Variants in AMBRA1 observed in about 807,000 individuals in gnomAD.
AMBRA1 encodes activating molecule in BECN1-regulated autophagy protein 1.
In AMBRA1, 47 loss-of-function variants were observed where a neutral mutation model predicts 125.4. The observed-to-expected ratio is 0.37, with a 90% CI of 0.30 to 0.48. The LOEUF (loss-of-function observed/expected upper bound fraction) is 0.48. Among genes scored for constraint, AMBRA1 ranks in the 20% least tolerant of loss-of-function variants. The pLI is 0.99. For synonymous variants in AMBRA1, 626 were observed against 655.5 expected, an observed-to-expected ratio of 0.95 and a Z score of 0.69; for missense variants, 1,331 against 1,693.4, an observed-to-expected ratio of 0.79 and a Z score of 3.76.
chr11:46,517,479 T>C (rs1288885391), intron 7 of AMBRA1, among the ~76,000 whole-genome samples: 1 of 144,336 alleles, frequency 6.9e-6, no homozygotes, highest in African/African-American at 2.6e-5. Context: ...GGTTTTTTTT[T>C]TTTTTTTTTT....
intron 17 of AMBRA1, among the ~76,000 whole-genome samples, 183 bp downstream of exon 17, chr11:46,408,330 A>T: frequency 6.6e-6 from 1 of 152,130 alleles, no homozygotes; most frequent in East Asian, 1.9e-4. Flanking sequence ...ACTTGGTGGG[A>T]GTTGAGGCGA....
intron 12 of AMBRA1, 99 bp downstream of exon 12, chr11:46,443,389 A>G (rs1271382342): frequency 1.1e-6 from 1 of 899,288 alleles, no homozygotes; most frequent in Admixed American, 2.0e-5. Flanking sequence ...CAACTGCTCA[A>G]TAGGATGATG....
chr11:46,411,825 T>C (rs935925649), intron 15 of AMBRA1, among the ~76,000 whole-genome samples: 8 of 151,936 alleles, frequency 5.3e-5, no homozygotes, highest in South Asian at 2.1e-4. Flanking sequence ...GGGGTCTCAC[T>C]ATGTTGCCCA....
At chr11:46,505,159 T>C (rs1950986080) in intron 9 of AMBRA1, among the ~76,000 whole-genome samples, 1 of 152,258 alleles carries the variant, frequency 6.6e-6, no homozygotes, top group African/African-American at 2.4e-5. Context: ...CATGTCTCTC[T>C]GTACCTGAAA....
At chr11:46,554,610 G>A (rs12280028) in intron 1 of AMBRA1, among the ~76,000 whole-genome samples, 10,215 of 152,144 alleles carry the variant, frequency 0.067, 1,124 homozygotes, top group African/African-American at 0.23. Context: ...GCTTTAAAAG[G>A]ATAAGGGACT....
chr11:46,435,643 A>T (rs1419571464), intron 12 of AMBRA1, among the ~76,000 whole-genome samples: 1 of 152,382 alleles, frequency 6.6e-6, no homozygotes, highest in South Asian at 2.1e-4. Flanking sequence ...AACAAAGCCC[A>T]GCTGCGGCTG....
intron 11 of AMBRA1, among the ~76,000 whole-genome samples, chr11:46,474,214 T>C (rs552198300): frequency 2.6e-4 from 40 of 152,134 alleles, no homozygotes; most frequent in African/African-American, 5.3e-4. Flanking sequence ...ATCAGTCAGT[T>C]TGATATTTTT....
Position 46,408,686 on chromosome 11 carries a change from C to G in AMBRA1, c.3230G>C (p.Arg1077Thr), listed in dbSNP as rs1946142211. 1 of 1,558,912 alleles carries G rather than the reference C, an allele frequency of 6.4e-7. No individual in the cohort carries two copies. The highest frequency in any genetic ancestry group is 8.7e-7 in the Non-Finnish European group (1 of 1,148,738). The change falls in exon 17 of 18, where the codon AGG becomes ACG. Residue 1077 changes from arginine (R) to threonine (T), a missense_variant. Arg to Thr is a moderately conservative substitution (Grantham distance 71, BLOSUM62 -1). Around this residue, in one of 4 missense-constraint regions of AMBRA1, gnomAD observed 354 missense variants for 532.7 expected, o/e 0.66. Coordinates refer to ENST00000683756, the MANE Select transcript of AMBRA1 (RefSeq NM_001387011.1). The stretch of plus-strand genomic sequence containing the variant: ...CATCAGCCCCATGTCTCTGTCTGTC[C>G]TCCATGTGGCTCTGCTGGTTCTAGG... ...ERPGTSRATW[R>T]TDRDMGLMNA... is the part of the protein sequence containing the mutation.
At chr11:46,427,338 CCAT>C (rs1180060546) in intron 14 of AMBRA1, among the ~76,000 whole-genome samples, 3 of 152,122 alleles carry the variant, frequency 2.0e-5, no homozygotes, top group Non-Finnish European at 4.4e-5. Flanking sequence ...GCAGCAGCAG[CCAT>C]CATTAGTCTC....
intron 11 of AMBRA1, among the ~76,000 whole-genome samples, chr11:46,460,108 TACAGAATTTC>T (rs1228886715): frequency 1.3e-5 from 2 of 152,200 alleles, no homozygotes; most frequent in Non-Finnish European, 2.9e-5. Flanking sequence ...ACCACATGTG[TACAGAATTTC>T]AGGGCACATT....
chr11:46,402,222 A>G (rs1056398101), intron 17 of AMBRA1, among the ~76,000 whole-genome samples: 3 of 152,198 alleles, frequency 2.0e-5, no homozygotes, highest in Non-Finnish European at 4.4e-5. Context: ...CAAGTCTAAC[A>G]CGTGGGTTTA....
intron 9 of AMBRA1, among the ~76,000 whole-genome samples, chr11:46,499,166 T>A (rs867273765): frequency 6.6e-6 from 1 of 152,198 alleles, no homozygotes; most frequent in Non-Finnish European, 1.5e-5. Flanking sequence ...TACAAATTCC[T>A]CTCCTCCCTT....
Position 46,445,648 on chromosome 11 carries a change from T to G in AMBRA1, c.2522-2050A>C, listed in dbSNP as rs190249017. On this transcript the variant is annotated intron_variant, in intron 11 of 17. Transcript: ENST00000683756. ...CTTCCCTGGAAGGAATTATTCCATTTCATTCTGATCCAGGCTCAGTTCCAC... is the reference window on the plus strand; with the variant it reads ...CTTCCCTGGAAGGAATTATTCCATTGCATTCTGATCCAGGCTCAGTTCCAC... 7.9e-5 allele frequency among the ~76,000 whole-genome samples: 12 copies of G among 152,348 alleles called. No homozygotes were observed. The East Asian group carries it at 1.3e-3, about 17-fold the overall frequency.
intron 11 of AMBRA1, among the ~76,000 whole-genome samples, chr11:46,455,004 C>G (rs956267004): frequency 2.0e-5 from 3 of 151,210 alleles, no homozygotes; most frequent in Admixed American, 2.0e-4. Flanking sequence ...CTGAGCCTCC[C>G]AAGTAGCTGG....
intron 7 of AMBRA1, among the ~76,000 whole-genome samples, chr11:46,534,847 A>G (rs1342133508): frequency 6.6e-6 from 1 of 151,828 alleles, no homozygotes; most frequent in African/African-American, 2.4e-5. Flanking sequence ...CTAATTTTTG[A>G]GCTTTTTGTA....
intron 11 of AMBRA1, among the ~76,000 whole-genome samples, chr11:46,476,313 G>A (rs1271432373): frequency 6.6e-6 from 1 of 152,160 alleles, no homozygotes; most frequent in Admixed American, 6.5e-5. Context: ...CGAGTAGGGT[G>A]TGCACAAGTT....
In AMBRA1 at chr11:46,443,511, A is replaced by C. The variant is rs1948119737; in HGVS notation, c.2609T>G (p.Phe870Cys). The C allele has an allele frequency of 6.2e-7, 1 of 1,614,046 alleles. No individual in the cohort carries two copies. The highest frequency in any genetic ancestry group is 8.5e-7 in the Non-Finnish European group (1 of 1,179,982). ...YRLQWWDFTKFDLPEISNASV... is the reference protein window; with the variant it reads ...YRLQWWDFTKCDLPEISNASV... ...ACCATTACTGATTTCAGGGAGGTCA[A>C]ACTTAGTGAAGTCCCACCACTGGAG... Residue 870 changes from phenylalanine (F) to cysteine (C), a missense_variant, in exon 12 of 18, where the codon TTT becomes TGT. Physicochemically the swap from Phe to Cys is radical, Grantham distance 205 (BLOSUM62 -2). Transcript: ENST00000683756.
chr11:46,408,147 G>A (rs546927569), intron 17 of AMBRA1, among the ~76,000 whole-genome samples: 15 of 152,210 alleles, frequency 9.9e-5, no homozygotes, highest in Non-Finnish European at 1.9e-4. Context: ...GTAGGGGGAC[G>A]ACAAGCTAGG....
At chr11:46,420,176 G>A (rs989281608) in intron 14 of AMBRA1, among the ~76,000 whole-genome samples, 4 of 152,176 alleles carry the variant, frequency 2.6e-5, no homozygotes, top group African/African-American at 4.8e-5. Context: ...TGTGGCAGCT[G>A]CATTAGGAAC....
Sources: gnomAD v4.1 joint callset for allele counts (sites outside exome capture counted in the v4.1 genomes callset) on GRCh38, gnomAD v4.1.1 for gene constraint, gnomAD v4.1.1 regional missense constraint, MANE v1.5 for transcripts, NCBI Gene and HGNC (gene_info 2026-07-23, HGNC 2026-07-21) for gene names.